The following MED23 variants were observed in gnomAD, a reference collection of about 807,000 sequenced individuals.
The protein encoded by MED23 is mediator of RNA polymerase II transcription subunit 23.
MED23 carries 105 observed loss-of-function variants against 163.9 expected under a neutral mutation model. The ratio of observed to expected loss-of-function variants is 0.64; its 90% CI spans 0.55 to 0.75. The LOEUF (loss-of-function observed/expected upper bound fraction) is 0.75, where lower values mean the gene tolerates loss of function less well. MED23 is among the 30% of genes least tolerant of loss of function. MED23 has a pLI of 0.00. For synonymous variants in MED23, 561 were observed against 565.6 expected (o/e 0.99, Z 0.12); for missense variants, 1,054 against 1,649.0 (o/e 0.64, Z 6.25).
At chr6:131,576,142 C>T (rs1773602284) in intron 30 of MED23, among the ~76,000 whole-genome samples, 1 of 152,240 alleles carries the variant, frequency 6.6e-6, no homozygotes, top group African/African-American at 2.4e-5. Context: ...CTGACACACC[C>T]TGTCCCCAAC....
chr6:131,600,209 C>T, intron 17 of MED23, 47 bp from the exon 18 acceptor site: 2 of 1,494,416 alleles, frequency 1.3e-6, no homozygotes, highest in Non-Finnish European at 9.3e-7. Context: ...TGATTATATC[C>T]ACAATTCATA....
intron 12 of MED23, among the ~76,000 whole-genome samples, chr6:131,607,501 C>T (rs577481862): frequency 3.3e-5 from 5 of 151,850 alleles, no homozygotes; most frequent in Non-Finnish European, 7.4e-5. Flanking sequence ...GCTGAGATCA[C>T]GCCACTGCAC....
chr6:131,612,632 T>G (rs1776363247), intron 10 of MED23, among the ~76,000 whole-genome samples: 1 of 152,120 alleles, frequency 6.6e-6, no homozygotes, highest in Admixed American at 6.5e-5. Flanking sequence ...ATATGCCTAT[T>G]TAGTTAAAAC....
rs562445185 is a variant in MED23, at chr6:131,620,507, C to T, written c.597+121G>A. The T allele has an allele frequency of 2.4e-4, 168 of 711,084 alleles. No individual in the cohort carries two copies. In the African/African-American group the frequency reaches 2.5e-3, roughly 11 times the overall value. 44.0% of individuals were successfully genotyped at this position (711,084 alleles called of 1,614,324 possible). A position where few individuals can be genotyped will look rare whatever the true frequency, so the allele number is the denominator to read the frequency against. On this transcript the variant is annotated intron_variant, in intron 7 of 28. Coordinates refer to ENST00000368068, the MANE Select transcript of MED23 (RefSeq NM_004830.4). ...CAGAGACAGAGTCTTGTTATGTTAC[C>T]CAGGTTGGGTCTTGAACTCTTGTCC...
chr6:131,590,510 A>T, intron 26 of MED23, 68 bp from the exon 27 acceptor site: 4 of 1,139,386 alleles, frequency 3.5e-6, no homozygotes, highest in Non-Finnish European at 5.2e-6. Flanking sequence ...TTGTTCATAC[A>T]GTATATACAA....
At chr6:131,588,547 A>C (rs1170967578) in intron 28 of MED23, among the ~76,000 whole-genome samples, 1 of 152,208 alleles carries the variant, frequency 6.6e-6, no homozygotes, top group Admixed American at 6.5e-5. Context: ...GTTTCTCTGC[A>C]TGTTCTGTGT....
rs1178202386 is a variant in MED23 at position 131,605,425 on chromosome 6, T to C, written c.1428A>G (p.Leu476=). The change falls in exon 14 of 29, where the codon CTA becomes CTG. Residue 476 remains leucine, a synonymous_variant. Coordinates refer to ENST00000368068, the MANE Select transcript of MED23 (RefSeq NM_004830.4). ...AATTTGTAGAGTATGCATTACACAA[T>C]AGAGCAATCTTATAGTCATTCATCT... is the stretch of plus-strand genomic sequence containing the variant. ...SLQMNDYKIA[L]LCNAYSTNSE... 3.7e-6 allele frequency: 6 copies of C among 1,611,770 alleles called. No homozygotes were observed. Among genetic ancestry groups the C allele is most frequent in the East Asian group, 2.2e-5 (1 of 44,796 alleles).
At position 131,628,100 on chromosome 6, in the gene MED23, A is replaced by T; in HGVS notation, c.-51T>A. The T allele has an allele frequency of 2.5e-6, 4 of 1,606,700 alleles. No homozygotes were observed. The highest frequency in any genetic ancestry group is 2.6e-6 in the Non-Finnish European group (3 of 1,174,304). ...GGGTGCCCGGCAAGGCCCGGATCAG[A>T]CTCGAGCTCTGGGAATATAGGGGCA... is the stretch of plus-strand genomic sequence containing the variant. On this transcript the variant is annotated 5_prime_UTR_variant, in exon 1 of 29. Coordinates refer to ENST00000368068, the MANE Select transcript of MED23 (RefSeq NM_004830.4).
chr6:131,618,038 T>A (rs1370134404), intron 9 of MED23, among the ~76,000 whole-genome samples: 1 of 152,208 alleles, frequency 6.6e-6, no homozygotes, highest in African/African-American at 2.4e-5. Flanking sequence ...GACAAATAAC[T>A]TGATAGCACA....
At chr6:131,588,116 A>C (rs1238546010) in intron 28 of MED23, among the ~76,000 whole-genome samples, 2 of 152,190 alleles carry the variant, frequency 1.3e-5, no homozygotes, top group African/African-American at 4.8e-5. Flanking sequence ...ATATATATGC[A>C]TATACTTACA....
rs750946914 is a variant in MED23 at position 131,603,250 on chromosome 6, C to T, written c.1757-46G>A. The T allele has an allele frequency of 4.0e-5, 63 of 1,577,100 alleles. No homozygotes were observed. In the African/African-American group the frequency reaches 8.2e-4, roughly 21 times the overall value. ...AAGGTACCAATTATTAAAGGCTATG[C>T]ATGAAAAGATATTTGAAGAAAGTCA... On this transcript the variant is annotated intron_variant, in intron 15 of 28. Transcript: ENST00000368068.
At chr6:131,616,149 T>C (rs1776673105) in intron 9 of MED23, 147 bp from the exon 10 acceptor site, 1 of 699,230 alleles carries the variant, frequency 1.4e-6, no homozygotes, top group Admixed American at 2.1e-5. Flanking sequence ...CATAGGATTT[T>C]AGTGCTTACA....
intron 30 of MED23, chr6:131,576,631 T>A (rs201959088): frequency 1.3e-6 from 2 of 1,581,068 alleles, no homozygotes; most frequent in Non-Finnish European, 1.7e-6. Context: ...GTCATGATAA[T>A]GTCTGAAGTA....
In MED23 at chr6:131,627,641, C is replaced by T. The variant is rs867369363; in HGVS notation, c.71G>A (p.Gly24Asp). 1 of 1,611,186 alleles carries T rather than the reference C, an allele frequency of 6.2e-7. No individual in the cohort carries two copies. Among genetic ancestry groups the T allele is most frequent in the South Asian group, 1.1e-5 (1 of 90,542 alleles). ...KTEVIEEAFP[G>D]MFMDTPEDEK... ...AAAACTCTGCCACGCATACACTCAC[C>T]CAGGAAAAGCCTCTTCTATAACTTC... Residue 24 changes from glycine to aspartate, a missense_variant and splice_region_variant, in exon 2 of 29, where the codon GGC becomes GAC. Around this residue, in one of 11 missense-constraint regions of MED23, gnomAD observed 227 missense variants for 235.5 expected, o/e 0.96. Coordinates refer to ENST00000368068, the MANE Select transcript of MED23 (RefSeq NM_004830.4).
Position 131,623,406 on chromosome 6 carries a change from A to C in MED23, c.341T>G (p.Leu114Arg). Residue 114 changes from leucine to arginine, a missense_variant, in exon 5 of 29, where the codon CTT becomes CGT. Leu to Arg is a moderately radical substitution (Grantham distance 102). Coordinates refer to ENST00000368068, the MANE Select transcript of MED23 (RefSeq NM_004830.4). ...AACCAGTTTAAATGTTAAGGCCCAA[A>C]GCTGTGTTCTTTCCCACTCAAGAGT... is the stretch of plus-strand genomic sequence containing the variant. ...SDTLEWERTQ[L>R]WALTFKLVRK... 1 of 1,614,140 alleles carries C rather than the reference A, an allele frequency of 6.2e-7. No homozygotes were observed. Among genetic ancestry groups the C allele is most frequent in the Non-Finnish European group, 8.5e-7 (1 of 1,180,018 alleles).
downstream of MED23, chr6:131,583,382 T>G: frequency 6.2e-7 from 1 of 1,614,196 alleles, no homozygotes; most frequent in Non-Finnish European, 8.5e-7. Flanking sequence ...ATCTAAGTTT[T>G]GATGTTGACG....
chr6:131,581,390 G>A, intron 30 of MED23: 1 of 1,609,888 alleles, frequency 6.2e-7, no homozygotes, highest in South Asian at 1.1e-5. Context: ...TAAAAGACTG[G>A]TTGGTACTCT....
rs2114582888 is a variant in MED23 at position 131,590,308 on chromosome 6, A to G, written c.3807+14T>C. The stretch of plus-strand genomic sequence containing the variant: ...AATTTAATCATGTCACAGGAAACCC[A>G]GATTATATTTTACCTCTATCATACA... On this transcript the variant is annotated intron_variant, in intron 27 of 28. Coordinates refer to ENST00000368068, the MANE Select transcript of MED23 (RefSeq NM_004830.4). 2 of 1,610,028 alleles carry G rather than the reference A, an allele frequency of 1.2e-6. No individual in the cohort carries two copies. Among genetic ancestry groups the G allele is most frequent in the East Asian group, 4.5e-5 (2 of 44,642 alleles).
At chr6:131,580,084 T>C (rs1026407098) in intron 30 of MED23, among the ~76,000 whole-genome samples, 1 of 152,222 alleles carries the variant, frequency 6.6e-6, no homozygotes, top group African/African-American at 2.4e-5. Flanking sequence ...ACCATTTTTG[T>C]GCATGAGCCT....
Sources: gnomAD v4.1 joint callset for allele counts (sites outside exome capture counted in the v4.1 genomes callset) on GRCh38, gnomAD v4.1.1 for gene constraint, gnomAD v4.1.1 regional missense constraint, MANE v1.5 for transcripts, NCBI Gene and HGNC (gene_info 2026-07-23, HGNC 2026-07-21) for gene names.